Variants in B4GALNT2 observed in about 807,000 individuals in gnomAD.
B4GALNT2 encodes the protein beta-1,4-N-acetyl-galactosaminyltransferase 2 (SID blood group).
A neutral mutation model predicts 51.1 loss-of-function variants in B4GALNT2; 42 were observed. The ratio of observed to expected loss-of-function variants is 0.82; its 90% CI spans 0.64 to 1.06. B4GALNT2 has a LOEUF of 1.06. B4GALNT2 is among the 50% of genes least tolerant of loss of function. The pLI is 0.00. For synonymous variants in B4GALNT2, 253 were observed against 251.7 expected, an observed-to-expected ratio of 1.01 and a Z score of -0.05; for missense variants, 602 against 633.6, an observed-to-expected ratio of 0.95 and a Z score of 0.54.
intron 9 of B4GALNT2, 82 bp downstream of exon 9, chr17:49,166,336 A>G: frequency 3.0e-6 from 1 of 329,638 alleles, no homozygotes; most frequent in African/African-American, 2.3e-5. Flanking sequence ...AGAAATATAT[A>G]AGAGAAGAGG....
chr17:49,152,986 G>C (rs1263657021), intron 4 of B4GALNT2, 80 bp downstream of exon 4: 1 of 1,282,336 alleles, frequency 7.8e-7, no homozygotes, highest in African/African-American at 1.5e-5. Flanking sequence ...GTCGGGTGCA[G>C]TGGCTCATGC....
intron 2 of B4GALNT2, 114 bp from the exon 3 acceptor site, chr17:49,141,921 G>A: frequency 7.4e-7 from 1 of 1,354,002 alleles, no homozygotes; most frequent in African/African-American, 1.4e-5. Flanking sequence ...GAACAGTTGG[G>A]TGTAGGAAAG....
At position 49,172,794 on chromosome 17, in the gene B4GALNT2, C is replaced by T. The variant is rs1474286894; in HGVS notation, c.*3066C>T. The T allele has an allele frequency of 6.6e-6, 1 of 152,096 alleles. No homozygotes were observed. Among genetic ancestry groups the T allele is most frequent in the Non-Finnish European group, 1.5e-5 (1 of 68,022 alleles). 9.4% of individuals were successfully genotyped at this position (152,096 alleles called of 1,614,324 possible). On this transcript the variant is annotated 3_prime_UTR_variant, in exon 11 of 11. Transcript: ENST00000393354. Reference sequence around the variant, plus strand: ...CGTTTAACACAGGCAGAAGACTCTCCTGATTGGCATGTAGCCCAGACAAAG... The same window carrying T: ...CGTTTAACACAGGCAGAAGACTCTCTTGATTGGCATGTAGCCCAGACAAAG...
chr17:49,165,627 C>T (rs866420323), intron 8 of B4GALNT2, among the ~76,000 whole-genome samples: 2 of 146,700 alleles, frequency 1.4e-5, no homozygotes, highest in Non-Finnish European at 3.0e-5. Context: ...TTCTTCCCAC[C>T]CTTCCTCTCT....
rs760276043 is a variant in B4GALNT2 at position 49,168,770 on chromosome 17, A to AT, written c.1190dup (p.Gln398ProfsTer32). 1.2e-6 allele frequency: 2 copies of AT among 1,613,916 alleles called. No homozygotes were observed. Among genetic ancestry groups the AT allele is most frequent in the Non-Finnish European group, 1.7e-6 (2 of 1,179,996 alleles). Reference sequence around the variant, plus strand: ...GGGCCTGCCTTCACAAGAGGATGGGATTTTTCCAACCCCTGGATGGCTTCC... The same window carrying AT: ...GGGCCTGCCTTCACAAGAGGATGGGATTTTTTCCAACCCCTGGATGGCTTCC... On this transcript the variant is annotated frameshift_variant, in exon 10 of 11. Transcript: ENST00000393354. LOFTEE classifies it high-confidence loss of function.
intron 1 of B4GALNT2, chr17:49,133,117 A>G: frequency 6.6e-7 from 1 of 1,523,968 alleles, no homozygotes; most frequent in Non-Finnish European, 8.7e-7. Context: ...GAGTGTGGGA[A>G]TCGGCTCGGG....
At chr17:49,129,723 T>G (rs1486910155), upstream of B4GALNT2, among the ~76,000 whole-genome samples, 1 of 150,602 alleles carries the variant, frequency 6.6e-6, no homozygotes, top group South Asian at 2.1e-4. Flanking sequence ...GGGGGGGAAG[T>G]TTATTGCAGG....
intron 1 of B4GALNT2, chr17:49,133,157 A>C: frequency 2.6e-6 from 4 of 1,521,380 alleles, no homozygotes; most frequent in East Asian, 2.7e-5. Flanking sequence ...TCTGCTTGGA[A>C]CTCAGAGGCG....
intron 3 of B4GALNT2, among the ~76,000 whole-genome samples, chr17:49,142,385 TAACAAC>T (rs113335662): frequency 1.3e-5 from 2 of 152,050 alleles, no homozygotes; most frequent in African/African-American, 2.4e-5. Flanking sequence ...AAACATTTCA[TAACAAC>T]AACAACAACA....
At chr17:49,144,405 G>A (rs775280218) in intron 3 of B4GALNT2, among the ~76,000 whole-genome samples, 49 of 152,182 alleles carry the variant, frequency 3.2e-4, no homozygotes, top group Non-Finnish European at 6.2e-4. Flanking sequence ...TTGAAAGCTG[G>A]ACAGCCAGTG....
Position 49,169,915 on chromosome 17 carries a change from G to A in B4GALNT2, c.*187G>A. The A allele has an allele frequency of 1.8e-6, 1 of 566,966 alleles. No homozygotes were observed. Among genetic ancestry groups the A allele is most frequent in the Non-Finnish European group, 3.0e-6 (1 of 333,740 alleles). 35.1% of individuals were successfully genotyped at this position (566,966 alleles called of 1,614,324 possible). A position where few individuals can be genotyped will look rare whatever the true frequency, so the allele number is the denominator to read the frequency against. On this transcript the variant is annotated 3_prime_UTR_variant, in exon 11 of 11. Transcript: ENST00000393354. Reference sequence around the variant, plus strand: ...GGTCACTGGAAATGAACCAGTCACTGACCAGGGCAATGGAGACTGTATTAA... The same window carrying A: ...GGTCACTGGAAATGAACCAGTCACTAACCAGGGCAATGGAGACTGTATTAA...
chr17:49,149,994 T>C (rs761537091), intron 3 of B4GALNT2, among the ~76,000 whole-genome samples: 2 of 152,222 alleles, frequency 1.3e-5, no homozygotes, highest in African/African-American at 2.4e-5. Flanking sequence ...ATGTTCCATA[T>C]GTTCATTGCC....
the B4GALNT2 span, among the ~76,000 whole-genome samples, chr17:49,126,314 G>T: frequency 6.6e-6 from 1 of 152,044 alleles, no homozygotes; most frequent in African/African-American, 2.4e-5. Flanking sequence ...TGCTCGTTAA[G>T]AGTCACCACC....
At chr17:49,168,564 A>G in intron 9 of B4GALNT2, 117 bp from the exon 10 acceptor site, 1 of 1,016,840 alleles carries the variant, frequency 9.8e-7, no homozygotes, top group Non-Finnish European at 1.5e-6. Flanking sequence ...TTTGAAGGAT[A>G]GACAGAGAAA....
rs2042972120 is a variant in B4GALNT2, at chr17:49,173,811, A to C, written c.*4083A>C. On this transcript the variant is annotated 3_prime_UTR_variant, in exon 11 of 11. Coordinates refer to ENST00000393354, the MANE Select transcript of B4GALNT2 (RefSeq NM_001159387.2). ...CAATAACACCAGTAGGTGAATGCCG[A>C]GTTGAAAAAATTAGCAAATCTAGAG... is the stretch of plus-strand genomic sequence containing the variant. The C allele has an allele frequency of 6.6e-6, 1 of 152,198 alleles. No homozygotes were observed. The highest frequency in any genetic ancestry group is 2.4e-5 in the African/African-American group (1 of 41,450). The allele number at this position is 152,198 out of a possible 1,614,324, so 9.4% of individuals were successfully genotyped here.
intron 7 of B4GALNT2, among the ~76,000 whole-genome samples, chr17:49,162,393 C>G (rs1472307143): frequency 6.6e-6 from 1 of 152,124 alleles, no homozygotes; most frequent in Non-Finnish European, 1.5e-5. Context: ...ATGAAAACTA[C>G]TTTCACATCA....
intron 3 of B4GALNT2, among the ~76,000 whole-genome samples, chr17:49,143,384 G>T (rs1567857301): frequency 1.3e-5 from 2 of 152,316 alleles, no homozygotes; most frequent in South Asian, 4.1e-4. Flanking sequence ...GGATGCTGGG[G>T]CCTTACCAAA....
At chr17:49,166,553 A>G (rs974137563) in intron 9 of B4GALNT2, among the ~76,000 whole-genome samples, 26 of 152,174 alleles carry the variant, frequency 1.7e-4, no homozygotes, top group African/African-American at 6.3e-4. Flanking sequence ...GTTGACTAGT[A>G]TGAGATTAAA....
At chr17:49,128,692 C>T (rs568685412), upstream of B4GALNT2, among the ~76,000 whole-genome samples, 8 of 152,210 alleles carry the variant, frequency 5.3e-5, no homozygotes, top group South Asian at 8.3e-4. Flanking sequence ...GCCTTCGGCT[C>T]GAAATTTTAA....
Sources: gnomAD v4.1 joint callset for allele counts (sites outside exome capture counted in the v4.1 genomes callset) on GRCh38, gnomAD v4.1.1 for gene constraint, MANE v1.5 for transcripts, NCBI Gene and HGNC (gene_info 2026-07-23, HGNC 2026-07-21) for gene names.